DNAJB4: variants seen among roughly 807,000 people sequenced by gnomAD.
The protein encoded by DNAJB4 is DnaJ heat shock protein family (Hsp40) member B4.
Under a neutral mutation model 26.6 loss-of-function variants are expected in DNAJB4, and 10 were observed. That is an observed-to-expected ratio of 0.38 (90% CI 0.23 to 0.64). The LOEUF is 0.64. Among genes scored for constraint, DNAJB4 ranks in the 30% least tolerant of loss-of-function variants. The pLI is 0.58. For synonymous variants in DNAJB4, 136 were observed against 134.8 expected (o/e 1.01, Z -0.06); for missense variants, 328 against 408.2 (o/e 0.80, Z 1.69).
At chr1:78,004,601 T>C (rs1660279265), upstream of DNAJB4, 1 of 152,966 alleles carries the variant, frequency 6.5e-6, no homozygotes, top group Non-Finnish European at 1.5e-5. Context: ...CTTTAACTTC[T>C]TTTAACATAG....
intron 1 of DNAJB4, among the ~76,000 whole-genome samples, chr1:77,982,204 TTGTTTCCTAGA>T (rs1312278320): frequency 2.0e-5 from 3 of 152,260 alleles, no homozygotes; most frequent in Non-Finnish European, 4.4e-5. Flanking sequence ...GATCCTATAC[TTGTTTCCTAGA>T]TGTTTCCAAA....
At chr1:77,992,152 G>A (rs1259425959) in intron 1 of DNAJB4, among the ~76,000 whole-genome samples, 3 of 151,972 alleles carry the variant, frequency 2.0e-5, no homozygotes, top group East Asian at 1.9e-4. Context: ...GGTGGCTCAC[G>A]CCTGTAATCC....
At chr1:77,980,944 A>G (rs1274735900) in intron 1 of DNAJB4, among the ~76,000 whole-genome samples, 1 of 152,156 alleles carries the variant, frequency 6.6e-6, no homozygotes, top group African/African-American at 2.4e-5. Flanking sequence ...GTATAGAAAA[A>G]CAGTAAAAGC....
At chr1:78,000,032 C>T (rs1172360739), upstream of DNAJB4, among the ~76,000 whole-genome samples, 1 of 151,946 alleles carries the variant, frequency 6.6e-6, no homozygotes, top group African/African-American at 2.4e-5. Context: ...TGAATGCTAC[C>T]TATGGGAAGT....
intron 2 of DNAJB4, among the ~76,000 whole-genome samples, chr1:78,015,115 G>C (rs1003641297): frequency 6.6e-6 from 1 of 152,186 alleles, no homozygotes; most frequent in African/African-American, 2.4e-5. Context: ...ATAATGGCTA[G>C]TTTGCTTCTA....
At position 78,013,090 on chromosome 1, in the gene DNAJB4, G is replaced by T; in HGVS notation, c.251G>T (p.Gly84Val). The T allele has an allele frequency of 6.2e-7, 1 of 1,613,400 alleles. No homozygotes were observed. Among genetic ancestry groups the T allele is most frequent in the Non-Finnish European group, 8.5e-7 (1 of 1,179,604 alleles). ...GGAGGTDGQG[G>V]TFRYTFHGDP... ...GCAGGAGGTACTGATGGACAAGGAG[G>T]TACCTTCCGGTACACCTTTCATGGC... Residue 84 changes from glycine (G) to valine (V), a missense_variant, in exon 2 of 3, where the codon GGT becomes GTT. Coordinates refer to ENST00000370763, the MANE Select transcript of DNAJB4 (RefSeq NM_007034.5).
intron 1 of DNAJB4, among the ~76,000 whole-genome samples, chr1:78,009,171 CTG>C (rs754742190): frequency 1.5e-4 from 23 of 152,044 alleles, no homozygotes; most frequent in East Asian, 5.8e-4. Context: ...TGAATTAAAA[CTG>C]TTTAAAAAAT....
intron 1 of DNAJB4, among the ~76,000 whole-genome samples, chr1:77,991,347 T>C (rs1659927347): frequency 6.6e-6 from 1 of 152,240 alleles, no homozygotes; most frequent in African/African-American, 2.4e-5. Flanking sequence ...TCTGTATTTA[T>C]GAATTTGCCT....
Position 78,012,154 on chromosome 1 carries a change from C to CTTTT in DNAJB4, c.212-896_212-893dup, listed in dbSNP as rs1324763074. 4.4e-3 allele frequency among the ~76,000 whole-genome samples: 305 copies of CTTTT among 69,340 alleles called. 24 individuals are homozygous for CTTTT. Among genetic ancestry groups the CTTTT allele is most frequent in the African/African-American group, 0.013 (224 of 17,388 alleles). The allele number at this position is 69,340 out of a possible 152,430, so 45.5% of individuals were successfully genotyped here. On this transcript the variant is annotated intron_variant, in intron 1 of 2. Transcript: ENST00000370763. Reference sequence around the variant, plus strand: ...CCCAGTTTTATTTTCTTTTTCTTTTCTTTTCTTTTTTTTTTTTTTTTTTTT... The same window carrying CTTTT: ...CCCAGTTTTATTTTCTTTTTCTTTTCTTTTTTTTCTTTTTTTTTTTTTTTTTTTT...
At chr1:77,982,994 CCAGCGTTCAGCATAT>C (rs1659696256) in intron 1 of DNAJB4, among the ~76,000 whole-genome samples, 1 of 152,120 alleles carries the variant, frequency 6.6e-6, no homozygotes, top group African/African-American at 2.4e-5. Flanking sequence ...GTATGCTGAA[CCAGCGTTCAGCATAT>C]GGAGGATCCC....
chr1:77,983,312 G>C (rs1659710201), intron 1 of DNAJB4, among the ~76,000 whole-genome samples: 1 of 152,174 alleles, frequency 6.6e-6, no homozygotes, highest in African/African-American at 2.4e-5. Flanking sequence ...TTTATACCGA[G>C]ACATTCCATT....
At chr1:77,983,776 C>T (rs1659726781) in intron 1 of DNAJB4, among the ~76,000 whole-genome samples, 1 of 152,098 alleles carries the variant, frequency 6.6e-6, no homozygotes, top group Non-Finnish European at 1.5e-5. Context: ...ATGGAGTCTC[C>T]TATGTCTACT....
chr1:78,002,968 C>T (rs1026559015), upstream of DNAJB4, among the ~76,000 whole-genome samples: 2 of 151,948 alleles, frequency 1.3e-5, no homozygotes, highest in Non-Finnish European at 2.9e-5. Context: ...AAATAATTTA[C>T]TGTGTCAAGT....
At chr1:77,985,303 GTC>G in intron 1 of DNAJB4, among the ~76,000 whole-genome samples, 1 of 152,094 alleles carries the variant, frequency 6.6e-6, no homozygotes, top group South Asian at 2.1e-4. Flanking sequence ...ACATTTCCAT[GTC>G]TCTATTTATA....
intron 1 of DNAJB4, among the ~76,000 whole-genome samples, chr1:77,989,721 G>A (rs145383929): frequency 7.3e-4 from 111 of 152,300 alleles, no homozygotes; most frequent in African/African-American, 2.5e-3. Context: ...GTGTCAGGAT[G>A]CCTTCAGCTC....
chr1:78,015,878 A>C (rs1660627720), intron 2 of DNAJB4, 136 bp from the exon 3 acceptor site: 1 of 824,378 alleles, frequency 1.2e-6, no homozygotes, highest in South Asian at 1.9e-5. Context: ...GAGGAAAAAA[A>C]ATTTATAACT....
intron 1 of DNAJB4, 40 bp downstream of exon 1, chr1:78,005,361 GTC>G (rs753883709): frequency 7.2e-7 from 1 of 1,379,860 alleles, no homozygotes; most frequent in Admixed American, 3.1e-5. Context: ...CTTCAGCTCT[GTC>G]TCTTTTTTTT....
At chr1:78,011,630 A>G (rs560131781) in intron 1 of DNAJB4, among the ~76,000 whole-genome samples, 1 of 151,900 alleles carries the variant, frequency 6.6e-6, no homozygotes, top group Admixed American at 6.6e-5. Context: ...GATTATAGGC[A>G]TGTGCCACCA....
Position 77,994,155 on chromosome 1 carries a change from A to G in DNAJB4, c.-31-10925A>G, listed in dbSNP as rs12022716. Among the ~76,000 whole-genome samples the G allele has an allele frequency of 4.9e-4, 75 of 152,256 alleles. No homozygotes were observed. The East Asian group carries it at 0.012, about 24-fold the overall frequency. ...AATGGCTCACACCTGTAATCCTAGC[A>G]CTTTGGGAGGCGGAGGTGGGAAGAT... On this transcript the variant is annotated intron_variant, in intron 1 of 2. Coordinates refer to the DNAJB4 transcript ENST00000426517.
Sources: gnomAD v4.1 joint callset for allele counts (sites outside exome capture counted in the v4.1 genomes callset) on GRCh38, gnomAD v4.1.1 for gene constraint, MANE v1.5 for transcripts, NCBI Gene and HGNC (gene_info 2026-07-23, HGNC 2026-07-21) for gene names.